Variants in GREB1L observed in about 807,000 individuals in gnomAD.
The protein encoded by GREB1L is GREB1-like protein.
In GREB1L, 17 loss-of-function variants were observed where a neutral mutation model predicts 200.8. The observed-to-expected ratio is 0.08, with a 90% CI of 0.06 to 0.13. GREB1L has a LOEUF of 0.13. Among genes scored for constraint, GREB1L ranks in the 10% least tolerant of loss-of-function variants. The pLI is 1.00. For missense variants in GREB1L, 1,657 were observed against 2,367.7 expected (o/e 0.70, Z 6.23); for synonymous variants, 789 against 893.0 (o/e 0.88, Z 2.08).
intron 7 of GREB1L, among the ~76,000 whole-genome samples, chr18:21,413,371 T>C (rs2031280635): frequency 6.6e-6 from 1 of 152,240 alleles, no homozygotes; most frequent in African/African-American, 2.4e-5. Flanking sequence ...TTCCGCTTTG[T>C]GTCCTCCTTT....
At chr18:21,396,721 G>C (rs964779501) in intron 5 of GREB1L, among the ~76,000 whole-genome samples, 1 of 152,126 alleles carries the variant, frequency 6.6e-6, no homozygotes, top group African/African-American at 2.4e-5. Flanking sequence ...AAATGTAAAT[G>C]ACTTTATCTA....
intron 7 of GREB1L, among the ~76,000 whole-genome samples, chr18:21,430,020 G>A (rs1328533251): frequency 2.0e-5 from 3 of 152,000 alleles, no homozygotes; most frequent in African/African-American, 7.3e-5. Flanking sequence ...GTCCTCACGT[G>A]GCCTTTCCTC....
At chr18:21,299,581 G>A (rs1029816911) in intron 1 of GREB1L, among the ~76,000 whole-genome samples, 2 of 147,688 alleles carry the variant, frequency 1.4e-5, no homozygotes, top group African/African-American at 2.5e-5. Context: ...ACCATTTGTC[G>A]TAGGAAGGTA....
At chr18:21,477,404 C>G (rs2035745097) in intron 17 of GREB1L, 48 bp downstream of exon 17, 2 of 1,417,192 alleles carry the variant, frequency 1.4e-6, no homozygotes, top group African/African-American at 2.9e-5. Context: ...TCTCAGTTCC[C>G]AAGAGGGTAG....
In GREB1L at chr18:21,445,334, C is replaced by T. The variant is rs573695716; in HGVS notation, c.1393+925C>T. Among the ~76,000 whole-genome samples, 16 of 152,158 alleles carry T rather than the reference C, an allele frequency of 1.1e-4. 1 individual carries two copies. In the South Asian group the frequency reaches 1.7e-3, roughly 16 times the overall value. On this transcript the variant is annotated intron_variant, in intron 11 of 32. Coordinates refer to ENST00000424526, the MANE Select transcript of GREB1L (RefSeq NM_001142966.3). The stretch of plus-strand genomic sequence containing the variant: ...TACTAAAAATACAAAATTAGCTGGG[C>T]GTGGTGGCGCATGCCTGTAATCCCA...
At chr18:21,301,244 C>G (rs764349207) in intron 1 of GREB1L, among the ~76,000 whole-genome samples, 1 of 152,176 alleles carries the variant, frequency 6.6e-6, no homozygotes, top group Non-Finnish European at 1.5e-5. Context: ...GTGAAGCTGA[C>G]AACAGGTTAT....
At chr18:21,369,864 G>T (rs973729383) in intron 2 of GREB1L, among the ~76,000 whole-genome samples, 1 of 150,380 alleles carries the variant, frequency 6.6e-6, no homozygotes, top group Non-Finnish European at 1.5e-5. Flanking sequence ...CAGGAGAATC[G>T]CTTGAACCCA....
At chr18:21,484,048 GCTGCTGGCATGCATTTTAGGGAATA>G (rs1026788131) in intron 17 of GREB1L, among the ~76,000 whole-genome samples, 2 of 151,576 alleles carry the variant, frequency 1.3e-5, no homozygotes, top group Admixed American at 1.3e-4. Flanking sequence ...ATGTGCAGCA[GCTGCTGGCATGCATTTTAGGGAATA>G]CTTACTTTAT....
At chr18:21,444,449 T>C in intron 11 of GREB1L, 40 bp downstream of exon 11, 3 of 1,480,634 alleles carry the variant, frequency 2.0e-6, no homozygotes, top group Non-Finnish European at 2.8e-6. Context: ...TGACTACTTT[T>C]GAGGATTTTT....
chr18:21,419,595 G>A (rs557974666), intron 7 of GREB1L, among the ~76,000 whole-genome samples: 75 of 152,250 alleles, frequency 4.9e-4, no homozygotes, highest in Non-Finnish European at 2.9e-4. Flanking sequence ...GACTACAGGC[G>A]CATGCCACCA....
intron 15 of GREB1L, among the ~76,000 whole-genome samples, chr18:21,456,856 A>G (rs2034788252): frequency 6.6e-6 from 1 of 152,138 alleles, no homozygotes; most frequent in East Asian, 1.9e-4. Flanking sequence ...GTTGTCGGTC[A>G]CACCAAGCAG....
At position 21,398,518 on chromosome 18, in the gene GREB1L, A is replaced by C. The variant is rs1302059455; in HGVS notation, c.533-2632A>C. ...TTTTACTAACCACTTCTCCATGTAA[A>C]AGTGTGGTGCAATAACAAAATGGCA... On this transcript the variant is annotated intron_variant, in intron 5 of 32. Transcript: ENST00000424526. 7.2e-5 allele frequency among the ~76,000 whole-genome samples: 11 copies of C among 152,278 alleles called. No individual in the cohort carries two copies. The East Asian group carries it at 1.7e-3, about 24-fold the overall frequency.
chr18:21,507,564 T>TTTA (rs2037065567), intron 25 of GREB1L, among the ~76,000 whole-genome samples: 1 of 152,190 alleles, frequency 6.6e-6, no homozygotes. Flanking sequence ...GTAGGTTAGA[T>TTTA]TTATATTTGG....
At position 21,490,013 on chromosome 18, in the gene GREB1L, T is replaced by C; in HGVS notation, c.2692T>C (p.Tyr898His). The C allele has an allele frequency of 6.5e-7, 1 of 1,549,550 alleles. No individual in the cohort carries two copies. Among genetic ancestry groups the C allele is most frequent in the African/African-American group, 1.4e-5 (1 of 73,124 alleles). ...CTAGTGCCTTGTTTTCTGTTGAAGG[T>C]ACCCCAGGCTGCACAGCATGGTCGT... ...EKMVNTLLER[Y>H]PRLHSMVVRC... is the part of the protein sequence containing the mutation. Residue 898 changes from tyrosine to histidine, a missense_variant and splice_region_variant, in exon 19 of 33, where the codon TAC becomes CAC. By Grantham distance (83) the Tyr-to-His change is moderately conservative (BLOSUM62 2). Transcript: ENST00000424526.
At chr18:21,339,927 A>G (rs1329413551) in intron 1 of GREB1L, among the ~76,000 whole-genome samples, 4 of 152,208 alleles carry the variant, frequency 2.6e-5, no homozygotes, top group Admixed American at 2.6e-4. Flanking sequence ...CTTTATTGAC[A>G]AAACCCAAGT....
chr18:21,523,994 A>C lies in GREB1L; in HGVS notation c.*1173A>C, dbSNP rs975199075. 3 of 152,186 alleles carry C rather than the reference A, an allele frequency of 2.0e-5. No individual in the cohort carries two copies. Among genetic ancestry groups the C allele is most frequent in the African/African-American group, 7.2e-5 (3 of 41,438 alleles). The allele number at this position is 152,186 out of a possible 1,614,324, so 9.4% of individuals were successfully genotyped here. A position where few individuals can be genotyped will look rare whatever the true frequency, so the allele number is the denominator to read the frequency against. ...GGCATATGTTTCTACAGATTTCTCAAATATTTTAATCAAAAACATTATTTT... is the reference window on the plus strand; with the variant it reads ...GGCATATGTTTCTACAGATTTCTCACATATTTTAATCAAAAACATTATTTT... On this transcript the variant is annotated 3_prime_UTR_variant, in exon 33 of 33. Coordinates refer to ENST00000424526, the MANE Select transcript of GREB1L (RefSeq NM_001142966.3).
At chr18:21,503,576 T>C (rs1364055366) in intron 23 of GREB1L, among the ~76,000 whole-genome samples, 1 of 146,188 alleles carries the variant, frequency 6.8e-6, no homozygotes, top group Non-Finnish European at 1.5e-5. Flanking sequence ...TTATCATTAT[T>C]ATTATTATTA....
intron 15 of GREB1L, among the ~76,000 whole-genome samples, chr18:21,470,656 G>C (rs1165553258): frequency 6.6e-6 from 1 of 151,980 alleles, no homozygotes; most frequent in Non-Finnish European, 1.5e-5. Context: ...AACAATGATA[G>C]TTTTGTTCTT....
At chr18:21,276,788 AAG>A (rs1430117482) in intron 1 of GREB1L, among the ~76,000 whole-genome samples, 1 of 152,134 alleles carries the variant, frequency 6.6e-6, no homozygotes, top group Admixed American at 6.6e-5. Flanking sequence ...GGAAAGAAGG[AAG>A]AGAGAGGGAG....
Sources: gnomAD v4.1 joint callset for allele counts (sites outside exome capture counted in the v4.1 genomes callset) on GRCh38, gnomAD v4.1.1 for gene constraint, MANE v1.5 for transcripts, NCBI Gene and HGNC (gene_info 2026-07-23, HGNC 2026-07-21) for gene names.